PSMC3: variants seen among roughly 807,000 people sequenced by gnomAD.
The protein encoded by PSMC3 is 26S proteasome regulatory subunit 6A.
In PSMC3, 11 loss-of-function variants were observed where a neutral mutation model predicts 52.0. The observed-to-expected ratio is 0.21, with a 90% CI of 0.13 to 0.35. PSMC3 has a LOEUF of 0.35. Ranked by LOEUF, PSMC3 falls within the 10% of genes least tolerant of loss-of-function variation. PSMC3 has a pLI of 1.00. For synonymous variants in PSMC3, 201 were observed against 218.8 expected (o/e 0.92, Z 0.72); for missense variants, 238 against 567.1 (o/e 0.42, Z 5.89).
At chr11:47,425,559 G>A (rs1168300917) in intron 2 of PSMC3, 6 of 539,194 alleles carry the variant, frequency 1.1e-5, no homozygotes, top group South Asian at 2.7e-5. Flanking sequence ...AACCTCTCTG[G>A]GCCTGTCTCC....
Position 47,424,406 on chromosome 11 carries a change from G to A in PSMC3, c.453+23C>T, listed in dbSNP as rs943620024. On this transcript the variant is annotated intron_variant, in intron 5 of 11. Coordinates refer to ENST00000298852, the MANE Select transcript of PSMC3 (RefSeq NM_002804.5). The surrounding 1 kb of genome is among the most constrained non-coding windows in gnomAD (Gnocchi z 4.8). ...CTCAGCTAGTCACCAGAAAAGCACT[G>A]CCTGGGCTCAGGCCCCACTCACCAC... 11 of 1,612,906 alleles carry A rather than the reference G, an allele frequency of 6.8e-6. No homozygotes were observed. Among genetic ancestry groups the A allele is most frequent in the Admixed American group, 3.3e-5 (2 of 59,988 alleles).
chr11:47,425,607 C>A (rs2096045490), intron 2 of PSMC3: 2 of 544,562 alleles, frequency 3.7e-6, no homozygotes, highest in Non-Finnish European at 6.5e-6. Context: ...AAGAAGGATT[C>A]TTGAGAGGAT....
rs1222188488 is a variant in PSMC3, at chr11:47,422,830, C to T, written c.735G>A (p.Lys245=). 1.2e-6 allele frequency: 2 copies of T among 1,609,142 alleles called. No homozygotes were observed. Among genetic ancestry groups the T allele is most frequent in the East Asian group, 2.2e-5 (1 of 44,746 alleles). ...LLARACAAQT[K]ATFLKLAGPQ... is the part of the protein sequence containing the mutation. ...CCCGCATCCCTCCCAAAGTACTCAC[C>T]TTAGTCTGTGCGGCACAGGCCCGGG... The change falls in exon 7 of 12, where the codon AAG becomes AAA. Residue 245 remains lysine (K), a splice_region_variant and synonymous_variant. Coordinates refer to ENST00000298852, the MANE Select transcript of PSMC3 (RefSeq NM_002804.5). This position sits in a 1 kb window ranked among gnomAD's most constrained non-coding sequence, Gnocchi z 4.3.
chr11:47,423,615 C>T (rs1176239093), intron 6 of PSMC3, among the ~76,000 whole-genome samples: 1 of 152,052 alleles, frequency 6.6e-6, no homozygotes, highest in Middle Eastern at 3.2e-3. Flanking sequence ...GGAGAAACCC[C>T]GTCTCTACTA....
At chr11:47,420,479 C>A in intron 9 of PSMC3, 70 bp from the exon 10 acceptor site, 1 of 1,564,122 alleles carries the variant, frequency 6.4e-7, no homozygotes, top group Non-Finnish European at 8.7e-7. Flanking sequence ...TCAAAAAAGG[C>A]AGAGAGGCAG....
chr11:47,422,092 G>T lies in PSMC3; in HGVS notation c.884+482C>A, dbSNP rs1386316884. Among the ~76,000 whole-genome samples the T allele has an allele frequency of 4.6e-5, 7 of 151,486 alleles. No individual in the cohort carries two copies. The highest frequency in any genetic ancestry group is 1.7e-4 in the African/African-American group (7 of 41,210). On this transcript the variant is annotated intron_variant, in intron 8 of 11. Coordinates refer to ENST00000298852, the MANE Select transcript of PSMC3 (RefSeq NM_002804.5). The surrounding 1 kb of genome is among the most constrained non-coding windows in gnomAD (Gnocchi z 4.3). ...AGAGTCTCACTCTTTCACCAGGCTG[G>T]AGTGCAGTGGCGCAATCTTGGCTCA...
chr11:47,422,949 T>C lies in PSMC3; in HGVS notation c.616A>G (p.Met206Val), dbSNP rs1002201129. Residue 206 changes from methionine to valine, a missense_variant, in exon 7 of 12, where the codon ATG becomes GTG. This residue lies in a region of PSMC3 where 60 missense variants were observed against 117.3 expected (regional missense o/e 0.51). Transcript: ENST00000298852. This position sits in a 1 kb window ranked among gnomAD's most constrained non-coding sequence, Gnocchi z 4.3. ...TTCTCAAACTTCTCCTTGTGGTTCA[T>C]TGGCAAGACAATGGCCTCCACCAGC... The part of the protein sequence containing the change: ...QELVEAIVLP[M>V]NHKEKFENLG... 1.2e-6 allele frequency: 2 copies of C among 1,613,070 alleles called. No individual in the cohort carries two copies. The highest frequency in any genetic ancestry group is 1.7e-6 in the Non-Finnish European group (2 of 1,179,456).
At chr11:47,425,527 C>A (rs530619747) in intron 2 of PSMC3, 7 of 561,714 alleles carry the variant, frequency 1.2e-5, no homozygotes, top group South Asian at 9.3e-5. Flanking sequence ...ATAGTAAGAA[C>A]TGGGTGCTTT....
Position 47,425,927 on chromosome 11 carries a change from C to A in PSMC3, c.99G>T (p.Val33=), listed in dbSNP as rs1184147102. Residue 33 remains valine, a synonymous_variant, in exon 2 of 12, where the codon GTG becomes GTT. Transcript: ENST00000298852. The stretch of plus-strand genomic sequence containing the variant: ...TGATCTCCTCCGTGGACATCTTGAG[C>A]ACCTCCTCCCCAATTCCATCTTGCT... The part of the protein sequence containing the change: ...EAEQDGIGEE[V]LKMSTEEIIQ... 6.8e-6 allele frequency: 11 copies of A among 1,613,690 alleles called. No individual in the cohort carries two copies. The highest frequency in any genetic ancestry group is 9.3e-6 in the Non-Finnish European group (11 of 1,179,676).
rs2096043988 is a variant in PSMC3 at position 47,424,289 on chromosome 11, A to G, written c.454-106T>C. ...GGAAAGACACAGGACTGGGCAATACAAGAATCAAACAGCAAGTAGACAGAA... is the reference window on the plus strand; with the variant it reads ...GGAAAGACACAGGACTGGGCAATACGAGAATCAAACAGCAAGTAGACAGAA... On this transcript the variant is annotated intron_variant, in intron 5 of 11. Coordinates refer to ENST00000298852, the MANE Select transcript of PSMC3 (RefSeq NM_002804.5). This position sits in a 1 kb window ranked among gnomAD's most constrained non-coding sequence, Gnocchi z 4.8. 7.6e-6 allele frequency: 12 copies of G among 1,572,024 alleles called. No individual in the cohort carries two copies. The highest frequency in any genetic ancestry group is 3.3e-5 in the South Asian group (3 of 90,048).
At chr11:47,423,383 C>G (rs531147790) in intron 6 of PSMC3, among the ~76,000 whole-genome samples, 1 of 149,928 alleles carries the variant, frequency 6.7e-6, no homozygotes, top group African/African-American at 2.5e-5. Flanking sequence ...CCAGCCTGAG[C>G]GGCAGAGCAA....
chr11:47,421,249 CAAAAAAAAAAAAAAAA>C (rs56344837), intron 8 of PSMC3, among the ~76,000 whole-genome samples: 1 of 61,402 alleles, frequency 1.6e-5, no homozygotes, highest in Non-Finnish European at 2.7e-5. Context: ...GACTCCATCT[CAAAAAAAAAAAAAAAA>C]AAAAAAAAAA....
intron 6 of PSMC3, 119 bp downstream of exon 6, chr11:47,423,927 T>G: frequency 1.4e-6 from 2 of 1,415,350 alleles, no homozygotes; most frequent in Non-Finnish European, 2.0e-6. Flanking sequence ...ATGGCACCCC[T>G]CCCTTCCTCC....
At chr11:47,421,440 T>C (rs906749650) in intron 8 of PSMC3, among the ~76,000 whole-genome samples, 3 of 151,566 alleles carry the variant, frequency 2.0e-5, no homozygotes, top group Non-Finnish European at 4.4e-5. Context: ...GATCTGAAGG[T>C]TGAAAGCACA....
chr11:47,426,374 A>T lies in PSMC3; in HGVS notation c.-95T>A. The T allele has an allele frequency of 8.8e-7, 1 of 1,138,034 alleles. No homozygotes were observed. Among genetic ancestry groups the T allele is most frequent in the Non-Finnish European group, 1.2e-6 (1 of 815,858 alleles). 70.5% of individuals were successfully genotyped at this position (1,138,034 alleles called of 1,614,324 possible). ...AAAGCCTTCTCTTGACCAGTGGAAAACCTCTCCCCACAAATCCCGACTCTT... is the reference window on the plus strand; with the variant it reads ...AAAGCCTTCTCTTGACCAGTGGAAATCCTCTCCCCACAAATCCCGACTCTT... On this transcript the variant is annotated 5_prime_UTR_variant, in exon 1 of 12. Transcript: ENST00000298852.
chr11:47,425,818 G>A, intron 2 of PSMC3, 49 bp downstream of exon 2: 2 of 1,537,654 alleles, frequency 1.3e-6, no homozygotes, highest in Non-Finnish European at 8.9e-7. Context: ...GGATCGCCGG[G>A]GCCTGTCCTG....
rs751202290 is a variant in PSMC3, at chr11:47,424,734, C to A, written c.286-23G>T. 2.7e-5 allele frequency: 43 copies of A among 1,564,728 alleles called. No homozygotes were observed. Among genetic ancestry groups the A allele is most frequent in the South Asian group, 1.0e-4 (9 of 90,082 alleles). Reference sequence around the variant, plus strand: ...GAGCTGGGAAGGAAAAAATACTCAGCTCCTTGAACTCCCCAAGGCCCAGTG... The same window carrying A: ...GAGCTGGGAAGGAAAAAATACTCAGATCCTTGAACTCCCCAAGGCCCAGTG... On this transcript the variant is annotated intron_variant, in intron 3 of 11. Coordinates refer to ENST00000298852, the MANE Select transcript of PSMC3 (RefSeq NM_002804.5). The surrounding 1 kb of genome is among the most constrained non-coding windows in gnomAD (Gnocchi z 4.8).
Position 47,419,030 on chromosome 11 carries a change from G to A in PSMC3, c.1210-85C>T, listed in dbSNP as rs536196942. 3.5e-4 allele frequency: 555 copies of A among 1,604,806 alleles called. 5 individuals are homozygous for A. The South Asian group carries it at 5.6e-3, about 16-fold the overall frequency. On this transcript the variant is annotated intron_variant, in intron 11 of 11. Coordinates refer to ENST00000298852, the MANE Select transcript of PSMC3 (RefSeq NM_002804.5). ...GAGGCTCAGGCCTCTTCCCTCAGCC[G>A]TCTCCACCAGCCAAATGCCCCCATC...
chr11:47,422,118 C>A lies in PSMC3; in HGVS notation c.884+456G>T, dbSNP rs908745563. 6.6e-6 allele frequency among the ~76,000 whole-genome samples: 1 copy of A among 151,890 alleles called. No individual in the cohort carries two copies. Among genetic ancestry groups the A allele is most frequent in the African/African-American group, 2.4e-5 (1 of 41,334 alleles). ...AGTGCAGTGGCGCAATCTTGGCTCACTCCAATCTCTGCCTCCCAGGTTCAA... is the reference window on the plus strand; with the variant it reads ...AGTGCAGTGGCGCAATCTTGGCTCAATCCAATCTCTGCCTCCCAGGTTCAA... On this transcript the variant is annotated intron_variant, in intron 8 of 11. Transcript: ENST00000298852. The surrounding 1 kb of genome is among the most constrained non-coding windows in gnomAD (Gnocchi z 4.3).
Sources: allele counts gnomAD v4.1 joint callset (sites outside exome capture counted in the v4.1 genomes callset), GRCh38; gene constraint gnomAD v4.1.1; regional missense constraint gnomAD v4.1.1; non-coding constraint Gnocchi (gnomAD v3.1); transcripts MANE v1.5; gene names NCBI Gene and HGNC (gene_info 2026-07-23, HGNC 2026-07-21).